Variants in EPHX2 observed in about 807,000 individuals in gnomAD.
EPHX2 encodes the protein epoxide hydrolase 2, also known as bifunctional epoxide hydrolase 2.
A neutral mutation model predicts 78.7 loss-of-function variants in EPHX2; 74 were observed. That is an observed-to-expected ratio of 0.94 (90% CI 0.78 to 1.14). The LOEUF (loss-of-function observed/expected upper bound fraction) is 1.14. Among genes scored for constraint, EPHX2 ranks in the 50% most tolerant of loss-of-function variants. The pLI, the probability that EPHX2 is intolerant of heterozygous loss-of-function variation, is 0.00. For missense variants in EPHX2, 715 were observed against 702.5 expected (o/e 1.02, Z -0.20); for synonymous variants, 251 against 255.2 (o/e 0.98, Z 0.16).
At chr8:27,536,296 G>T (rs569969270) in intron 12 of EPHX2, among the ~76,000 whole-genome samples, 1 of 152,166 alleles carries the variant, frequency 6.6e-6, no homozygotes, top group Non-Finnish European at 1.5e-5. Context: ...GTAAAGATGG[G>T]GTCTCGCTAG....
At chr8:27,543,192 G>A (rs1815464939) in intron 16 of EPHX2, among the ~76,000 whole-genome samples, 1 of 151,942 alleles carries the variant, frequency 6.6e-6, no homozygotes, top group Non-Finnish European at 1.5e-5. Flanking sequence ...TGAAAATAGT[G>A]CACGTTCCTC....
chr8:27,520,915 T>A lies in EPHX2; in HGVS notation c.972+6T>A. ...TAACCTTCCTGGATAAACTGGTAAGTCATTATTTTGAACTGATATCTTTGG... is the reference window on the plus strand; with the variant it reads ...TAACCTTCCTGGATAAACTGGTAAGACATTATTTTGAACTGATATCTTTGG... On this transcript the variant is annotated splice_donor_region_variant and intron_variant, in intron 10 of 18. Transcript: ENST00000521400. 1 of 1,614,160 alleles carries A rather than the reference T, an allele frequency of 6.2e-7. No homozygotes were observed. The highest frequency in any genetic ancestry group is 8.5e-7 in the Non-Finnish European group (1 of 1,180,000).
At chr8:27,541,390 G>C in intron 15 of EPHX2, 83 bp from the exon 16 acceptor site, 1 of 1,416,860 alleles carries the variant, frequency 7.1e-7, no homozygotes, top group Non-Finnish European at 1.0e-6. Context: ...ACGACTGGCT[G>C]TGCAGAGCAG....
intron 5 of EPHX2, among the ~76,000 whole-genome samples, chr8:27,509,984 A>C (rs57324233): frequency 6.6e-6 from 1 of 152,090 alleles, no homozygotes; most frequent in East Asian, 1.9e-4. Context: ...CCCTGCTCAC[A>C]GGCCTTGGCT....
At chr8:27,512,812 A>G (rs1389973412) in intron 6 of EPHX2, among the ~76,000 whole-genome samples, 5 of 151,684 alleles carry the variant, frequency 3.3e-5, no homozygotes, top group African/African-American at 7.3e-5. Flanking sequence ...CCCGGTGAGC[A>G]TCAGTATCCA....
chr8:27,538,357 A>G (rs1815279095), intron 13 of EPHX2, among the ~76,000 whole-genome samples: 2 of 152,114 alleles, frequency 1.3e-5, no homozygotes, highest in East Asian at 1.9e-4. Flanking sequence ...TCTTGTTCCC[A>G]TTGGCTGATA....
chr8:27,538,542 G>T, intron 13 of EPHX2, 117 bp from the exon 14 acceptor site: 2 of 924,624 alleles, frequency 2.2e-6, no homozygotes, highest in Non-Finnish European at 1.6e-6. Flanking sequence ...TGTCATAACA[G>T]GGTTTTCAGA....
chr8:27,543,006 T>TCCCC (rs60846123), intron 16 of EPHX2, among the ~76,000 whole-genome samples: 79 of 99,684 alleles, frequency 7.9e-4, no homozygotes, highest in Admixed American at 9.6e-4. Flanking sequence ...TCCCATCCTC[T>TCCCC]CCCCCCCCCG....
chr8:27,523,654 A>G (rs1391880336), intron 11 of EPHX2, among the ~76,000 whole-genome samples: 1 of 152,224 alleles, frequency 6.6e-6, no homozygotes. Context: ...AAATGTTCCT[A>G]AAATATTGTT....
At position 27,541,465 on chromosome 8, in the gene EPHX2, C is replaced by G; in HGVS notation, c.1380-8C>G. Reference sequence around the variant, plus strand: ...CCTCCCTCTTTTTACTTTCTGATCTCTCCCCAGAGGTCCTCTAAACTGGTA... The same window carrying G: ...CCTCCCTCTTTTTACTTTCTGATCTGTCCCCAGAGGTCCTCTAAACTGGTA... On this transcript the variant is annotated splice_polypyrimidine_tract_variant and splice_region_variant and intron_variant, in intron 15 of 18. Transcript: ENST00000521400. 1.2e-6 allele frequency: 2 copies of G among 1,614,194 alleles called. No individual in the cohort carries two copies. Among genetic ancestry groups the G allele is most frequent in the Non-Finnish European group, 1.7e-6 (2 of 1,179,982 alleles).
intron 11 of EPHX2, among the ~76,000 whole-genome samples, chr8:27,523,318 C>T (rs941580801): frequency 6.6e-6 from 1 of 152,214 alleles, no homozygotes; most frequent in Non-Finnish European, 1.5e-5. Flanking sequence ...GTCATGGTCC[C>T]CACCATTTCA....
chr8:27,531,400 A>G (rs1462620201), intron 12 of EPHX2, among the ~76,000 whole-genome samples: 1 of 152,186 alleles, frequency 6.6e-6, no homozygotes, highest in Non-Finnish European at 1.5e-5. Flanking sequence ...CTGACCAGCC[A>G]CACTGCAGAG....
intron 6 of EPHX2, among the ~76,000 whole-genome samples, chr8:27,514,387 C>T (rs1374560739): frequency 1.3e-5 from 2 of 152,166 alleles, no homozygotes; most frequent in African/African-American, 4.8e-5. Context: ...AATTGTTCCA[C>T]GTGAATTTCT....
chr8:27,494,999 G>T (rs1813522443), intron 1 of EPHX2, among the ~76,000 whole-genome samples: 1 of 152,222 alleles, frequency 6.6e-6, no homozygotes, highest in Non-Finnish European at 1.5e-5. Flanking sequence ...GTTCCACCTG[G>T]CAGCAATTTT....
At chr8:27,548,280 C>T (rs2132816497), downstream of EPHX2, among the ~76,000 whole-genome samples, 1 of 152,350 alleles carries the variant, frequency 6.6e-6, no homozygotes, top group Middle Eastern at 3.4e-3. Context: ...TTCACAGCCA[C>T]ATTACCATCA....
At chr8:27,529,275 G>A (rs961233885) in intron 12 of EPHX2, among the ~76,000 whole-genome samples, 7 of 152,230 alleles carry the variant, frequency 4.6e-5, no homozygotes, top group African/African-American at 1.7e-4. Flanking sequence ...CAGAGAAGAG[G>A]TGACAGCTTT....
At chr8:27,535,088 G>A (rs1402260801) in intron 12 of EPHX2, among the ~76,000 whole-genome samples, 1 of 152,112 alleles carries the variant, frequency 6.6e-6, no homozygotes, top group Non-Finnish European at 1.5e-5. Context: ...GGAGAGGAGA[G>A]TCAGTTGGCA....
chr8:27,502,878 C>T (rs1383059430), intron 2 of EPHX2, among the ~76,000 whole-genome samples: 1 of 152,200 alleles, frequency 6.6e-6, no homozygotes, highest in Non-Finnish European at 1.5e-5. Context: ...AGGACTTCAA[C>T]ACAGGAATTT....
chr8:27,512,343 T>G (rs888454226), intron 6 of EPHX2, among the ~76,000 whole-genome samples: 35 of 152,158 alleles, frequency 2.3e-4, no homozygotes, highest in African/African-American at 7.7e-4. Context: ...CTGGCCTGTG[T>G]TGGAGGAGAG....
Sources: allele counts gnomAD v4.1 joint callset (sites outside exome capture counted in the v4.1 genomes callset), GRCh38; gene constraint gnomAD v4.1.1; transcripts MANE v1.5; gene names NCBI Gene and HGNC (gene_info 2026-07-23, HGNC 2026-07-21).